MAMDC2: variants seen among roughly 807,000 people sequenced by gnomAD.
MAMDC2 encodes MAM domain containing 2.
A neutral mutation model predicts 89.8 loss-of-function variants in MAMDC2; 57 were observed. That is an observed-to-expected ratio of 0.63 (90% CI 0.51 to 0.79). The LOEUF is 0.79. Ranked by LOEUF, MAMDC2 falls within the 30% of genes least tolerant of loss-of-function variation. The probability of loss-of-function intolerance (pLI) is 0.00; values close to 1 mark genes in which losing one functional copy is unlikely to be tolerated. For missense variants in MAMDC2, 800 were observed against 820.6 expected (o/e 0.97, Z 0.31); for synonymous variants, 313 against 293.4 (o/e 1.07, Z -0.68).
chr9:70,206,736 C>T (rs141027808), intron 11 of MAMDC2, among the ~76,000 whole-genome samples: 14,017 of 152,054 alleles, frequency 0.092, 1,200 homozygotes, highest in African/African-American at 0.23. Flanking sequence ...CCCATTAACT[C>T]GTCATTTACA....
At chr9:70,095,053 T>G (rs907594538) in intron 2 of MAMDC2, among the ~76,000 whole-genome samples, 2 of 152,008 alleles carry the variant, frequency 1.3e-5, no homozygotes, top group African/African-American at 4.8e-5. Context: ...GGAAGGGATA[T>G]GAAAGAGAGT....
intron 9 of MAMDC2, among the ~76,000 whole-genome samples, chr9:70,144,672 T>G (rs577299363): frequency 8.5e-5 from 13 of 152,294 alleles, no homozygotes; most frequent in African/African-American, 2.6e-4. Flanking sequence ...CAATAAACAT[T>G]GTTGAATGAA....
At chr9:70,200,749 C>G (rs1355939517) in intron 11 of MAMDC2, among the ~76,000 whole-genome samples, 1 of 149,542 alleles carries the variant, frequency 6.7e-6, no homozygotes, top group Non-Finnish European at 1.5e-5. Context: ...TTGTAGTTCT[C>G]CTTGAAGAGG....
intron 11 of MAMDC2, among the ~76,000 whole-genome samples, chr9:70,200,327 GT>G (rs1224467227): frequency 6.8e-6 from 1 of 146,444 alleles, no homozygotes; most frequent in Non-Finnish European, 1.5e-5. Context: ...CCCATTGCTT[GT>G]TTTTCTCAGG....
At position 70,124,625 on chromosome 9, in the gene MAMDC2, T is replaced by C. The variant is rs190535150; in HGVS notation, c.644-1534T>C. On this transcript the variant is annotated intron_variant, in intron 5 of 13. Coordinates refer to ENST00000377182, the MANE Select transcript of MAMDC2 (RefSeq NM_153267.5). ...GGCTATGTACTAGATACACAGTAAA[T>C]GTCCAGTGTATAAATGCATATGCTC... Among the ~76,000 whole-genome samples the C allele has an allele frequency of 3.8e-3, 573 of 152,290 alleles. 2 individuals are homozygous for C. The highest frequency in any genetic ancestry group is 0.013 in the African/African-American group (547 of 41,558).
intron 5 of MAMDC2, among the ~76,000 whole-genome samples, chr9:70,120,402 C>T (rs532039568): frequency 1.3e-5 from 2 of 152,342 alleles, no homozygotes; most frequent in South Asian, 4.1e-4. Flanking sequence ...TCCTCTACCT[C>T]TTCCATGAGT....
chr9:70,062,808 T>C (rs905536411), intron 2 of MAMDC2: 6 of 152,236 alleles, frequency 3.9e-5, no homozygotes, highest in Admixed American at 1.3e-4. Context: ...GTGTACTCTA[T>C]ATAAACAGGC....
At position 70,114,513 on chromosome 9, in the gene MAMDC2, A is replaced by G. The variant is rs570644844; in HGVS notation, c.643+1381A>G. Among the ~76,000 whole-genome samples, 15 of 152,100 alleles carry G rather than the reference A, an allele frequency of 9.9e-5. 1 individual carries two copies. In the South Asian group the frequency reaches 3.1e-3, roughly 32 times the overall value. On this transcript the variant is annotated intron_variant, in intron 5 of 13. Coordinates refer to ENST00000377182, the MANE Select transcript of MAMDC2 (RefSeq NM_153267.5). ...GGTCAGGCCCTGTTGGCCAACTTCT[A>G]TTTTGCAACCTTCATTTGACAAGTT...
At chr9:70,050,148 A>G (rs930396762) in intron 2 of MAMDC2, among the ~76,000 whole-genome samples, 17 of 152,224 alleles carry the variant, frequency 1.1e-4, no homozygotes, top group African/African-American at 3.9e-4. Flanking sequence ...GCCACAAAAC[A>G]CTACATTTTA....
intron 2 of MAMDC2, among the ~76,000 whole-genome samples, chr9:70,054,128 A>G (rs1826974377): frequency 6.6e-6 from 1 of 152,154 alleles, no homozygotes; most frequent in African/African-American, 2.4e-5. Context: ...GACACATCCA[A>G]GTGGAGACTT....
In MAMDC2 at chr9:70,121,498, A is replaced by G. The variant is rs532831089; in HGVS notation, c.644-4661A>G. ...CACTCTGTGTATGGCAAAGCAGAAC[A>G]GATTGTAGAGGAATGGCAATAAGCT... On this transcript the variant is annotated intron_variant, in intron 5 of 13. Transcript: ENST00000377182. Among the ~76,000 whole-genome samples the G allele has an allele frequency of 8.5e-5, 13 of 152,324 alleles. No homozygotes were observed. In the East Asian group the frequency reaches 2.3e-3, roughly 27 times the overall value.
chr9:70,066,188 A>G (rs975949960), intron 2 of MAMDC2, among the ~76,000 whole-genome samples: 1 of 152,114 alleles, frequency 6.6e-6, no homozygotes, highest in Non-Finnish European at 1.5e-5. Flanking sequence ...GACCCAAGGG[A>G]ATGGGGCAGC....
intron 11 of MAMDC2, 116 bp downstream of exon 11, chr9:70,170,747 C>A: frequency 1.1e-6 from 1 of 927,470 alleles, no homozygotes; most frequent in Non-Finnish European, 1.6e-6. Flanking sequence ...TAATGAAATG[C>A]ACTTGTGATT....
intron 2 of MAMDC2, among the ~76,000 whole-genome samples, chr9:70,044,996 C>T (rs1407026089): frequency 6.6e-6 from 1 of 152,238 alleles, no homozygotes; most frequent in Non-Finnish European, 1.5e-5. Context: ...TTGTTCTCCG[C>T]TGTGGGCCTC....
chr9:70,182,083 G>A (rs566160851), intron 11 of MAMDC2, among the ~76,000 whole-genome samples: 8 of 152,136 alleles, frequency 5.3e-5, no homozygotes, highest in African/African-American at 1.7e-4. Flanking sequence ...GAATTTTATC[G>A]AAGGCCTTTT....
intron 9 of MAMDC2, among the ~76,000 whole-genome samples, chr9:70,151,165 C>T (rs1050742032): frequency 6.6e-6 from 1 of 152,236 alleles, no homozygotes; most frequent in Non-Finnish European, 1.5e-5. Flanking sequence ...CCATATCAAG[C>T]TGGCTCCCAT....
chr9:70,055,917 T>C lies in MAMDC2; in HGVS notation c.148+11220T>C, dbSNP rs545655957. ...CACAAATAAATGTGCTTTTGCAAGC[T>C]GGTTGCCCTTCTAGATAAGAATTTT... On this transcript the variant is annotated intron_variant, in intron 2 of 13. Coordinates refer to ENST00000377182, the MANE Select transcript of MAMDC2 (RefSeq NM_153267.5). 1.1e-4 allele frequency among the ~76,000 whole-genome samples: 16 copies of C among 152,352 alleles called. 1 individual carries two copies. The South Asian group carries it at 3.3e-3, about 32-fold the overall frequency.
intron 11 of MAMDC2, among the ~76,000 whole-genome samples, chr9:70,205,777 G>A (rs1276444073): frequency 6.6e-6 from 1 of 152,134 alleles, no homozygotes; most frequent in Non-Finnish European, 1.5e-5. Context: ...AACAACATGT[G>A]AGCTGGTCTG....
chr9:70,197,400 T>A (rs1432719720), intron 11 of MAMDC2, among the ~76,000 whole-genome samples: 1 of 152,052 alleles, frequency 6.6e-6, no homozygotes, highest in East Asian at 1.9e-4. Context: ...CCAACATACT[T>A]GATGAAATGG....
Sources: allele counts gnomAD v4.1 joint callset (sites outside exome capture counted in the v4.1 genomes callset), GRCh38; gene constraint gnomAD v4.1.1; transcripts MANE v1.5; gene names NCBI Gene and HGNC (gene_info 2026-07-23, HGNC 2026-07-21).